SLC25A12: variants seen among roughly 807,000 people sequenced by gnomAD.
The protein encoded by SLC25A12 is electrogenic aspartate/glutamate antiporter SLC25A12, mitochondrial.
A neutral mutation model predicts 83.3 loss-of-function variants in SLC25A12; 32 were observed. The ratio of observed to expected loss-of-function variants is 0.38; its 90% CI spans 0.29 to 0.52. The LOEUF (loss-of-function observed/expected upper bound fraction) is 0.52. Ranked by LOEUF, SLC25A12 falls within the 20% of genes least tolerant of loss-of-function variation. The probability of loss-of-function intolerance (pLI) is 0.84; values close to 1 mark genes in which losing one functional copy is unlikely to be tolerated. For missense variants in SLC25A12, 611 were observed against 835.6 expected, an observed-to-expected ratio of 0.73 and a Z score of 3.31; for synonymous variants, 267 against 291.1, an observed-to-expected ratio of 0.92 and a Z score of 0.84.
At chr2:171,864,091 A>G (rs1165072347) in intron 3 of SLC25A12, among the ~76,000 whole-genome samples, 2 of 152,212 alleles carry the variant, frequency 1.3e-5, no homozygotes. Context: ...AGCTACCTAA[A>G]TTGATTCTAT....
intron 2 of SLC25A12, among the ~76,000 whole-genome samples, chr2:171,877,708 T>C (rs1685603987): frequency 1.3e-5 from 2 of 150,668 alleles, no homozygotes; most frequent in African/African-American, 4.9e-5. Flanking sequence ...GCAACCTATA[T>C]TATTATATTA....
intron 9 of SLC25A12, among the ~76,000 whole-genome samples, chr2:171,821,096 C>G (rs1684182453): frequency 1.5e-5 from 2 of 129,154 alleles, no homozygotes; most frequent in African/African-American, 3.0e-5. Context: ...GTGGCGCATT[C>G]CTGGCTCACT....
intron 10 of SLC25A12, 91 bp from the exon 11 acceptor site, chr2:171,813,588 A>T: frequency 7.6e-7 from 1 of 1,321,626 alleles, no homozygotes; most frequent in Non-Finnish European, 1.1e-6. Flanking sequence ...AGGATGAGAA[A>T]ATAAAACACA....
At chr2:171,842,882 T>C (rs1684709630) in intron 5 of SLC25A12, among the ~76,000 whole-genome samples, 1 of 152,110 alleles carries the variant, frequency 6.6e-6, no homozygotes, top group Admixed American at 6.5e-5. Flanking sequence ...AGTGCAGCGA[T>C]GCAATCTCAG....
Position 171,875,685 on chromosome 2 carries a change from G to T in SLC25A12, c.67-6862C>A, listed in dbSNP as rs113835587. The stretch of plus-strand genomic sequence containing the variant: ...TCTCAGCACTTTGGGAGGCGGAGAC[G>T]GGTGGATCACGAGGTCAGGAGATCG... On this transcript the variant is annotated intron_variant, in intron 2 of 17. Coordinates refer to ENST00000422440, the MANE Select transcript of SLC25A12 (RefSeq NM_003705.5). Among the ~76,000 whole-genome samples the T allele has an allele frequency of 3.9e-5, 6 of 152,008 alleles. No individual in the cohort carries two copies. In the East Asian group the frequency reaches 9.7e-4, roughly 25 times the overall value.
chr2:171,894,042 G>A lies in SLC25A12; in HGVS notation c.12+161C>T, dbSNP rs115706366. ...CCCCCAGCCGGGCATCCCCTCCTCC[G>A]GTCCAAGCCCCGCACAGCTCTCCCC... is the stretch of plus-strand genomic sequence containing the variant. On this transcript the variant is annotated intron_variant, in intron 1 of 17. Coordinates refer to ENST00000422440, the MANE Select transcript of SLC25A12 (RefSeq NM_003705.5). Among the ~76,000 whole-genome samples the A allele has an allele frequency of 5.7e-3, 872 of 152,032 alleles. 6 individuals carry two copies. Among genetic ancestry groups the A allele is most frequent in the African/African-American group, 0.018 (763 of 41,464 alleles).
At position 171,784,507 on chromosome 2, in the gene SLC25A12, T is replaced by C. The variant is rs562448681; in HGVS notation, c.*767A>G. 3.3e-5 allele frequency: 5 copies of C among 152,426 alleles called. No homozygotes were observed. The highest frequency in any genetic ancestry group is 9.6e-5 in the African/African-American group (4 of 41,598). 9.4% of individuals were successfully genotyped at this position (152,426 alleles called of 1,614,324 possible). ...GAAAGCAAAACTAAGCCAGTAATGATGGAGATGTCCCTGTTTCCATATGCA... is the reference window on the plus strand; with the variant it reads ...GAAAGCAAAACTAAGCCAGTAATGACGGAGATGTCCCTGTTTCCATATGCA... On this transcript the variant is annotated 3_prime_UTR_variant, in exon 18 of 18. Coordinates refer to ENST00000422440, the MANE Select transcript of SLC25A12 (RefSeq NM_003705.5).
chr2:171,805,889 G>A (rs1018602538), intron 13 of SLC25A12, among the ~76,000 whole-genome samples: 9 of 152,144 alleles, frequency 5.9e-5, no homozygotes, highest in Non-Finnish European at 1.0e-4. Context: ...CAGGTGGGTT[G>A]CTTGAGCCCA....
intron 8 of SLC25A12, among the ~76,000 whole-genome samples, chr2:171,832,172 C>T (rs1389940545): frequency 6.6e-6 from 1 of 152,084 alleles, no homozygotes; most frequent in African/African-American, 2.4e-5. Context: ...GGCCCAGTAG[C>T]TGTGTTCATA....
Position 171,834,973 on chromosome 2 carries a change from AT to A in SLC25A12, c.613-109del, listed in dbSNP as rs200068352. 5.1e-5 allele frequency: 60 copies of A among 1,183,382 alleles called. 2 individuals are homozygous for A. In the East Asian group the frequency reaches 1.5e-3, roughly 29 times the overall value. The allele number at this position is 1,183,382 out of a possible 1,614,324, so 73.3% of individuals were successfully genotyped here. On this transcript the variant is annotated intron_variant, in intron 6 of 17. Transcript: ENST00000422440. ...ATCCAAAGGAGTCTTCACTGTTAAA[AT>A]GATGTTAACAACCAGTACATAAATA... is the stretch of plus-strand genomic sequence containing the variant.
rs549558296 is a variant in SLC25A12 at position 171,808,204 on chromosome 2, T to G, written c.1305+1402A>C. Among the ~76,000 whole-genome samples the G allele has an allele frequency of 4.9e-5, 5 of 102,274 alleles. No individual in the cohort carries two copies. The South Asian group carries it at 7.8e-4, about 16-fold the overall frequency. The allele number at this position is 102,274 out of a possible 152,430, so 67.1% of individuals were successfully genotyped here. On this transcript the variant is annotated intron_variant, in intron 13 of 17. Coordinates refer to ENST00000422440, the MANE Select transcript of SLC25A12 (RefSeq NM_003705.5). Reference sequence around the variant, plus strand: ...TGCAAATAGATTTAAGAATTGGTCATGCTTACACTTTAAAGACAGAAACCT... The same window carrying G: ...TGCAAATAGATTTAAGAATTGGTCAGGCTTACACTTTAAAGACAGAAACCT...
intron 13 of SLC25A12, among the ~76,000 whole-genome samples, chr2:171,794,063 C>G (rs974019630): frequency 1.3e-5 from 2 of 151,856 alleles, no homozygotes; most frequent in African/African-American, 4.8e-5. Context: ...TTCAAAATAA[C>G]AAAATAAACC....
chr2:171,866,607 C>A (rs1685318023), intron 3 of SLC25A12, among the ~76,000 whole-genome samples: 1 of 145,818 alleles, frequency 6.9e-6, no homozygotes, highest in African/African-American at 2.5e-5. Context: ...CCACCTCCCT[C>A]CCGGACGGGG....
intron 9 of SLC25A12, among the ~76,000 whole-genome samples, chr2:171,819,052 C>G (rs534855900): frequency 6.8e-6 from 1 of 146,272 alleles, no homozygotes. Context: ...AGATTAAAAC[C>G]TAAAGCCATG....
intron 13 of SLC25A12, among the ~76,000 whole-genome samples, chr2:171,804,222 A>T (rs1213444112): frequency 6.6e-6 from 1 of 152,074 alleles, no homozygotes; most frequent in Non-Finnish European, 1.5e-5. Flanking sequence ...GCACAATGTC[A>T]TGCTTACAAA....
chr2:171,858,993 AG>A (rs1298114117), intron 3 of SLC25A12, among the ~76,000 whole-genome samples: 1 of 152,262 alleles, frequency 6.6e-6, no homozygotes, highest in Non-Finnish European at 1.5e-5. Flanking sequence ...AAGGACCCTT[AG>A]AAAGGCAAAC....
intron 2 of SLC25A12, among the ~76,000 whole-genome samples, chr2:171,878,762 A>G (rs1037496340): frequency 6.6e-6 from 1 of 152,244 alleles, no homozygotes; most frequent in Non-Finnish European, 1.5e-5. Context: ...TATCTCATAG[A>G]GCATTTCCCA....
chr2:171,792,073 C>T (rs1414054591), intron 14 of SLC25A12, among the ~76,000 whole-genome samples: 1 of 151,900 alleles, frequency 6.6e-6, no homozygotes, highest in Non-Finnish European at 1.5e-5. Flanking sequence ...ATCTTCTCTC[C>T]TCATTCCCCA....
At chr2:171,804,159 T>C (rs999403569) in intron 13 of SLC25A12, among the ~76,000 whole-genome samples, 1 of 152,234 alleles carries the variant, frequency 6.6e-6, no homozygotes, top group African/African-American at 2.4e-5. Flanking sequence ...TAAGTACTGA[T>C]ACATGCTACA....
Sources: allele counts gnomAD v4.1 joint callset (sites outside exome capture counted in the v4.1 genomes callset), GRCh38; gene constraint gnomAD v4.1.1; transcripts MANE v1.5; gene names NCBI Gene and HGNC (gene_info 2026-07-23, HGNC 2026-07-21).